Variants in HS6ST2 observed in about 807,000 individuals in gnomAD.
HS6ST2 encodes heparan-sulfate 6-O-sulfotransferase 2.
A neutral mutation model predicts 33.0 loss-of-function variants in HS6ST2; 17 were observed. The ratio of observed to expected loss-of-function variants is 0.52; its 90% CI spans 0.35 to 0.77. The LOEUF is 0.77. Among genes scored for constraint, HS6ST2 ranks in the 30% least tolerant of loss-of-function variants. The pLI, the probability that HS6ST2 is intolerant of heterozygous loss-of-function variation, is 0.01. For missense variants in HS6ST2, 519 were observed against 551.7 expected, an observed-to-expected ratio of 0.94 and a Z score of 0.59; for synonymous variants, 248 against 237.1, an observed-to-expected ratio of 1.05 and a Z score of -0.42.
At chrX:132,818,548 G>A (rs192200029) in intron 2 of HS6ST2, among the ~76,000 whole-genome samples, 1 of 111,231 alleles carries the variant, frequency 9.0e-6, no homozygotes, top group East Asian at 2.8e-4. Context: ...AAAAGCAGCT[G>A]GAGGTTTTGT....
At chrX:132,839,272 GTATATATATATATATATATATATATA>G (rs748319681) in intron 2 of HS6ST2, among the ~76,000 whole-genome samples, 104 of 62,790 alleles carry the variant, frequency 1.7e-3, no homozygotes, top group Admixed American at 2.9e-3. Flanking sequence ...TGTAGTGTGT[GTATATATATATATATATATATATATA>G]TATATATATA....
intron 2 of HS6ST2, among the ~76,000 whole-genome samples, chrX:132,753,122 T>G (rs769294378): frequency 1.8e-4 from 20 of 111,475 alleles, no homozygotes; most frequent in Non-Finnish European, 3.4e-4. Context: ...TAACCTTTCT[T>G]GGACTATACT....
intron 2 of HS6ST2, among the ~76,000 whole-genome samples, chrX:132,880,584 C>T (rs1035863551): frequency 7.4e-5 from 8 of 107,398 alleles, no homozygotes; most frequent in Admixed American, 2.0e-4. Context: ...GAAGATGTGT[C>T]GCAAATTTAG....
At position 132,755,052 on chromosome X, in the gene HS6ST2, C is replaced by T. The variant is rs550103293; in HGVS notation, c.948-46558G>A. 1.3e-3 allele frequency among the ~76,000 whole-genome samples: 147 copies of T among 111,574 alleles called. 6 individuals carry two copies. The South Asian group carries it at 0.055, about 42-fold the overall frequency. ...TACAAGGAAGTCACTATTCGCAGTT[C>T]ATACTTAAGGAGTGAGGAGTTACAC... On this transcript the variant is annotated intron_variant, in intron 2 of 4. Transcript: ENST00000370833.
intron 2 of HS6ST2, among the ~76,000 whole-genome samples, chrX:132,794,190 C>T (rs894637925): frequency 6.3e-5 from 7 of 111,697 alleles, no homozygotes; most frequent in East Asian, 2.8e-4. Context: ...AGAAATGTAG[C>T]GCTTGGACTT....
At chrX:132,645,410 TA>T (rs1277156799) in intron 4 of HS6ST2, among the ~76,000 whole-genome samples, 3 of 112,930 alleles carry the variant, frequency 2.7e-5, no homozygotes, top group South Asian at 3.6e-4. Context: ...TAGAGGAATT[TA>T]AAATGAGGTC....
intron 3 of HS6ST2, among the ~76,000 whole-genome samples, chrX:132,699,804 T>A (rs1446793904): frequency 1.8e-5 from 2 of 112,029 alleles, no homozygotes; most frequent in African/African-American, 6.5e-5. Context: ...TTCCTTTTCA[T>A]GCAAACAAGC....
At chrX:132,747,350 A>G (rs756357426) in intron 2 of HS6ST2, among the ~76,000 whole-genome samples, 2 of 111,985 alleles carry the variant, frequency 1.8e-5, no homozygotes, top group South Asian at 3.8e-4. Flanking sequence ...GGCATATAAC[A>G]TAGGAAAGCT....
intron 3 of HS6ST2, among the ~76,000 whole-genome samples, chrX:132,704,714 G>A (rs2064174529): frequency 8.9e-6 from 1 of 111,861 alleles, no homozygotes; most frequent in Non-Finnish European, 1.9e-5. Flanking sequence ...ACTGCCAATT[G>A]ACATCTCCAG....
chrX:132,662,301 T>C lies in HS6ST2; in HGVS notation c.1067+6812A>G, dbSNP rs2063779984. Among the ~76,000 whole-genome samples the C allele has an allele frequency of 2.7e-5, 3 of 111,179 alleles. No homozygotes were observed. The South Asian group carries it at 1.2e-3, about 43-fold the overall frequency. ...GGAGAGAGAGAGAGAGAGATTTGCT[T>C]TTTATTACGTGGAAAAAAATAGCAT... On this transcript the variant is annotated intron_variant, in intron 4 of 4. Coordinates refer to ENST00000370833, the MANE Select transcript of HS6ST2 (RefSeq NM_001394073.1).
At chrX:132,827,687 C>T (rs1284591193) in intron 2 of HS6ST2, among the ~76,000 whole-genome samples, 1 of 111,112 alleles carries the variant, frequency 9.0e-6, no homozygotes, top group Non-Finnish European at 1.9e-5. Context: ...TAGCCTCCAT[C>T]TTTGTTAATT....
intron 3 of HS6ST2, 106 bp from the exon 4 acceptor site, chrX:132,669,305 C>A: frequency 5.8e-6 from 3 of 517,932 alleles, no homozygotes; most frequent in South Asian, 7.5e-5. Context: ...CTGCATATCC[C>A]CCCACCACCC....
chrX:132,785,762 C>CA (rs1020129845), intron 2 of HS6ST2, among the ~76,000 whole-genome samples: 54 of 111,923 alleles, frequency 4.8e-4, no homozygotes, highest in African/African-American at 1.7e-3. Context: ...AGAACCATTC[C>CA]AAAAACGTGG....
chrX:132,876,414 T>C (rs1406923891), intron 2 of HS6ST2, among the ~76,000 whole-genome samples: 4 of 112,128 alleles, frequency 3.6e-5, no homozygotes, highest in Non-Finnish European at 7.5e-5. Context: ...GTGAGGCTAT[T>C]TGTGATCTGG....
intron 2 of HS6ST2, among the ~76,000 whole-genome samples, chrX:132,755,242 T>C (rs1264621872): frequency 8.9e-6 from 1 of 112,463 alleles, no homozygotes. Context: ...GTATATTTTC[T>C]CAAGTTTTTA....
At chrX:132,770,544 C>T (rs1024778230) in intron 2 of HS6ST2, among the ~76,000 whole-genome samples, 88 of 111,993 alleles carry the variant, frequency 7.9e-4, no homozygotes, top group African/African-American at 2.7e-3. Context: ...ACCTGCACCA[C>T]TGCTTATTCT....
At chrX:132,806,273 G>A (rs746061124) in intron 2 of HS6ST2, among the ~76,000 whole-genome samples, 3 of 110,180 alleles carry the variant, frequency 2.7e-5, no homozygotes, top group Non-Finnish European at 5.7e-5. Flanking sequence ...CTGATCCCTC[G>A]AAGGCACAAA....
chrX:132,808,364 G>T (rs2065305653), intron 2 of HS6ST2, among the ~76,000 whole-genome samples: 1 of 111,560 alleles, frequency 9.0e-6, no homozygotes, highest in African/African-American at 3.3e-5. Flanking sequence ...GTAACCGAAG[G>T]CCACAGGGCA....
chrX:132,854,736 C>T (rs1178790947), intron 2 of HS6ST2, among the ~76,000 whole-genome samples: 1 of 112,278 alleles, frequency 8.9e-6, no homozygotes, highest in Non-Finnish European at 1.9e-5. Flanking sequence ...CTTTTAAGTG[C>T]TCATTGTGAG....
Sources: gnomAD v4.1 joint callset for allele counts (sites outside exome capture counted in the v4.1 genomes callset) on GRCh38, gnomAD v4.1.1 for gene constraint, MANE v1.5 for transcripts, NCBI Gene and HGNC (gene_info 2026-07-23, HGNC 2026-07-21) for gene names.